CDH8: variants seen among roughly 807,000 people sequenced by gnomAD.
CDH8 encodes the protein cadherin 8.
In CDH8, 17 loss-of-function variants were observed where a neutral mutation model predicts 68.1. That is an observed-to-expected ratio of 0.25 (90% CI 0.17 to 0.37). The LOEUF is 0.37. Ranked by LOEUF, CDH8 falls within the 10% of genes least tolerant of loss-of-function variation. The pLI, the probability that CDH8 is intolerant of heterozygous loss-of-function variation, is 1.00. For missense variants in CDH8, 763 were observed against 999.3 expected (o/e 0.76, Z 3.19); for synonymous variants, 372 against 365.1 (o/e 1.02, Z -0.21).
intron 2 of CDH8, among the ~76,000 whole-genome samples, chr16:61,904,559 C>A (rs1228412031): frequency 6.6e-6 from 1 of 152,120 alleles, no homozygotes; most frequent in East Asian, 1.9e-4. Flanking sequence ...TTGGTATAAA[C>A]CAAAATGCTT....
chr16:61,885,523 A>G (rs955217461), intron 3 of CDH8, among the ~76,000 whole-genome samples: 4 of 152,192 alleles, frequency 2.6e-5, no homozygotes, highest in African/African-American at 9.6e-5. Flanking sequence ...AGGCACTTAA[A>G]TAGTGTTTAT....
intron 8 of CDH8, among the ~76,000 whole-genome samples, chr16:61,728,077 C>T (rs1959427036): frequency 6.6e-6 from 1 of 151,008 alleles, no homozygotes; most frequent in Non-Finnish European, 1.5e-5. Context: ...ATAAATTATA[C>T]AGAATGCATT....
chr16:61,997,005 G>C (rs74875989), intron 2 of CDH8, among the ~76,000 whole-genome samples: 27 of 104,698 alleles, frequency 2.6e-4, no homozygotes, highest in Middle Eastern at 5.1e-3. Flanking sequence ...GTGTGTATGT[G>C]TGTGTGTGTG....
chr16:61,749,339 C>T (rs781536115), intron 8 of CDH8, among the ~76,000 whole-genome samples: 13 of 152,012 alleles, frequency 8.6e-5, no homozygotes, highest in Non-Finnish European at 1.2e-4. Flanking sequence ...GAAAGATAGG[C>T]TTAATACTTC....
Position 61,943,046 on chromosome 16 carries a change from A to G in CDH8, c.253-41573T>C, listed in dbSNP as rs187101660. Reference sequence around the variant, plus strand: ...CTGCACCATCTTGCCTGGACAAAAGAGTGAGACCTTGTTTCAAAAAGACAA... The same window carrying G: ...CTGCACCATCTTGCCTGGACAAAAGGGTGAGACCTTGTTTCAAAAAGACAA... On this transcript the variant is annotated intron_variant, in intron 2 of 11. Coordinates refer to ENST00000577390, the MANE Select transcript of CDH8 (RefSeq NM_001796.5). Among the ~76,000 whole-genome samples, 59 of 152,352 alleles carry G rather than the reference A, an allele frequency of 3.9e-4. No individual in the cohort carries two copies. The East Asian group carries it at 0.01, about 26-fold the overall frequency.
At chr16:61,780,715 A>G (rs888175579) in intron 8 of CDH8, among the ~76,000 whole-genome samples, 1 of 152,234 alleles carries the variant, frequency 6.6e-6, no homozygotes, top group African/African-American at 2.4e-5. Context: ...TTGGAAAATA[A>G]ACATCATGTG....
At chr16:61,931,342 T>A (rs1250619919) in intron 2 of CDH8, among the ~76,000 whole-genome samples, 1 of 152,104 alleles carries the variant, frequency 6.6e-6, no homozygotes. Context: ...TTTTAAAAAA[T>A]AATTATTATT....
intron 2 of CDH8, among the ~76,000 whole-genome samples, chr16:61,922,764 G>A (rs1441934671): frequency 6.6e-6 from 1 of 151,834 alleles, no homozygotes; most frequent in Admixed American, 6.6e-5. Context: ...TCATTCACAT[G>A]GAAAAAATCT....
chr16:61,749,004 G>A (rs1010976362), intron 8 of CDH8, among the ~76,000 whole-genome samples: 5 of 152,046 alleles, frequency 3.3e-5, no homozygotes, highest in Non-Finnish European at 7.4e-5. Flanking sequence ...ACTCTTCTCT[G>A]AAGGTAACAA....
chr16:61,883,958 GT>G (rs5817321), intron 3 of CDH8, among the ~76,000 whole-genome samples: 4 of 151,032 alleles, frequency 2.6e-5, no homozygotes, highest in Non-Finnish European at 4.4e-5. Context: ...ACAGTAGAAG[GT>G]TTTTTTTTAA....
chr16:61,971,070 A>G (rs1965331952), intron 2 of CDH8, among the ~76,000 whole-genome samples: 1 of 151,678 alleles, frequency 6.6e-6, no homozygotes, highest in African/African-American at 2.4e-5. Flanking sequence ...CCCACCCTTG[A>G]GAATGTACTT....
At chr16:61,907,172 G>A (rs1567522832) in intron 2 of CDH8, among the ~76,000 whole-genome samples, 1 of 152,168 alleles carries the variant, frequency 6.6e-6, no homozygotes, top group East Asian at 1.9e-4. Context: ...ATACTCCTTT[G>A]TGAGTAGCTA....
At chr16:61,773,805 C>A (rs183287990) in intron 8 of CDH8, among the ~76,000 whole-genome samples, 1 of 152,164 alleles carries the variant, frequency 6.6e-6, no homozygotes, top group East Asian at 1.9e-4. Flanking sequence ...AATAGCATAA[C>A]CTTTGAATCT....
chr16:61,820,617 T>G (rs989823228), intron 6 of CDH8, among the ~76,000 whole-genome samples: 1 of 152,002 alleles, frequency 6.6e-6, no homozygotes, highest in Non-Finnish European at 1.5e-5. Context: ...TCACAGGATG[T>G]TGACTTCCCC....
At chr16:61,779,850 G>A (rs1043480915) in intron 8 of CDH8, among the ~76,000 whole-genome samples, 85 of 152,096 alleles carry the variant, frequency 5.6e-4, no homozygotes, top group African/African-American at 1.4e-3. Context: ...AAACCGTTTC[G>A]TTCACTTGAT....
chr16:61,983,936 G>A (rs941270334), intron 2 of CDH8, among the ~76,000 whole-genome samples: 1 of 138,546 alleles, frequency 7.2e-6, no homozygotes, highest in Admixed American at 7.3e-5. Flanking sequence ...TTATTTTTTC[G>A]AGACGGAATC....
chr16:61,874,399 T>C (rs1031957392), intron 3 of CDH8, among the ~76,000 whole-genome samples: 1 of 152,042 alleles, frequency 6.6e-6, no homozygotes, highest in Non-Finnish European at 1.5e-5. Context: ...TGGTGTGATC[T>C]CAGCTCACTG....
intron 9 of CDH8, 26 bp downstream of exon 9, chr16:61,727,068 A>G: frequency 1.9e-6 from 3 of 1,608,906 alleles, no homozygotes; most frequent in Non-Finnish European, 2.6e-6. Context: ...AAACATATTC[A>G]GCATTAACAA....
intron 7 of CDH8, among the ~76,000 whole-genome samples, chr16:61,793,578 T>A (rs561612826): frequency 6.6e-6 from 1 of 152,060 alleles, no homozygotes; most frequent in East Asian, 1.9e-4. Context: ...GCAAAGGACA[T>A]GATCTCATTC....
Sources: gnomAD v4.1 joint callset for allele counts (sites outside exome capture counted in the v4.1 genomes callset) on GRCh38, gnomAD v4.1.1 for gene constraint, MANE v1.5 for transcripts, NCBI Gene and HGNC (gene_info 2026-07-23, HGNC 2026-07-21) for gene names.